Variants in CAMTA1 observed in about 807,000 individuals in gnomAD.
CAMTA1 encodes calmodulin-binding transcription activator 1.
In CAMTA1, 27 loss-of-function variants were observed where a neutral mutation model predicts 170.9. The observed-to-expected ratio is 0.16, with a 90% CI of 0.12 to 0.22. The LOEUF (loss-of-function observed/expected upper bound fraction) is 0.22, where lower values mean the gene tolerates loss of function less well. Among genes scored for constraint, CAMTA1 ranks in the 10% least tolerant of loss-of-function variants. CAMTA1 has a pLI of 1.00. For synonymous variants in CAMTA1, 833 were observed against 891.5 expected (o/e 0.93, Z 1.17); for missense variants, 1,619 against 2,217.2 (o/e 0.73, Z 5.42).
At chr1:7,022,371 G>C (rs1701481346) in intron 3 of CAMTA1, among the ~76,000 whole-genome samples, 1 of 152,130 alleles carries the variant, frequency 6.6e-6, no homozygotes, top group Non-Finnish European at 1.5e-5. Flanking sequence ...CTCTGCCGTG[G>C]GTATTGGGTG....
chr1:7,738,530 T>G lies in CAMTA1; in HGVS notation c.4182+48T>G. On this transcript the variant is annotated intron_variant, in intron 16 of 22. Transcript: ENST00000303635. This position sits in a 1 kb window ranked among gnomAD's most constrained non-coding sequence, Gnocchi z 4.9. ...GCCCGCAGAGGCTGGTGCGTTCCAG[T>G]TGCTGTGATCTTTATGGTCCATTTC... 6.4e-7 allele frequency: 1 copy of G among 1,571,924 alleles called. No homozygotes were observed. Among genetic ancestry groups the G allele is most frequent in the Non-Finnish European group, 8.6e-7 (1 of 1,156,278 alleles).
chr1:7,708,616 C>CTTGCTTAATTTTATAT (rs1558185193), intron 11 of CAMTA1, among the ~76,000 whole-genome samples: 2 of 152,158 alleles, frequency 1.3e-5, no homozygotes, highest in Non-Finnish European at 2.9e-5. Flanking sequence ...ATCGTGATCC[C>CTTGCTTAATTTTATAT]TGTAATTTGC....
intron 4 of CAMTA1, among the ~76,000 whole-genome samples, chr1:7,098,138 C>T (rs144908610): frequency 5.1e-4 from 77 of 151,964 alleles, no homozygotes; most frequent in African/African-American, 1.7e-3. Context: ...CGCGTGCGTG[C>T]GCATGCGTGT....
chr1:7,346,588 C>T (rs908977618), intron 5 of CAMTA1, among the ~76,000 whole-genome samples: 2 of 152,220 alleles, frequency 1.3e-5, no homozygotes, highest in Non-Finnish European at 2.9e-5. Flanking sequence ...TCATTGAGTC[C>T]TGTTTTGAAA....
chr1:7,481,624 G>A (rs1006145443), intron 6 of CAMTA1, among the ~76,000 whole-genome samples: 6 of 152,036 alleles, frequency 3.9e-5, no homozygotes, highest in African/African-American at 1.2e-4. Context: ...ACACACACCC[G>A]TACAGCTGCC....
intron 3 of CAMTA1, among the ~76,000 whole-genome samples, chr1:6,913,674 C>T (rs1263222883): frequency 2.0e-5 from 3 of 151,988 alleles, no homozygotes; most frequent in Non-Finnish European, 4.4e-5. Context: ...CTGTGCTGTG[C>T]CAGGCCCTGT....
At chr1:7,468,009 G>C in intron 6 of CAMTA1, 108 bp downstream of exon 6, 1 of 867,950 alleles carries the variant, frequency 1.2e-6, no homozygotes, top group Non-Finnish European at 1.9e-6. Flanking sequence ...CGGGCTGAGA[G>C]CCCTGGTGAG....
intron 3 of CAMTA1, among the ~76,000 whole-genome samples, chr1:6,978,826 A>G (rs1200602571): frequency 1.3e-5 from 2 of 152,124 alleles, no homozygotes; most frequent in African/African-American, 4.8e-5. Flanking sequence ...CTCAACAAAC[A>G]TTAATTGCTC....
In CAMTA1 at chr1:7,427,932, C is replaced by T. The variant is rs552444094; in HGVS notation, c.439-39898C>T. On this transcript the variant is annotated intron_variant, in intron 5 of 22. Coordinates refer to ENST00000303635, the MANE Select transcript of CAMTA1 (RefSeq NM_015215.4). ...CATCCTTTCCTTTCTAGGGTACCCT[C>T]TTTGGGGATTACAGAAATGAGCTCC... Among the ~76,000 whole-genome samples the T allele has an allele frequency of 3.3e-4, 51 of 152,264 alleles. No individual in the cohort carries two copies. In the South Asian group the frequency reaches 1.0e-2, roughly 30 times the overall value.
At position 7,215,648 on chromosome 1, in the gene CAMTA1, C is replaced by T. The variant is rs1659623802; in HGVS notation, c.303-33843C>T. Among the ~76,000 whole-genome samples the T allele has an allele frequency of 3.3e-5, 5 of 152,340 alleles. No homozygotes were observed. The South Asian group carries it at 1.0e-3, about 32-fold the overall frequency. ...ACTTCAGGTGATCCTCCCACCTTGG[C>T]CCCCCAAAGTGCTGGGATTACAGGT... On this transcript the variant is annotated intron_variant, in intron 4 of 22. Transcript: ENST00000303635.
intron 3 of CAMTA1, among the ~76,000 whole-genome samples, chr1:6,876,432 A>G (rs546179913): frequency 1.3e-5 from 2 of 151,672 alleles, no homozygotes; most frequent in South Asian, 4.2e-4. Flanking sequence ...TGTGATCTTA[A>G]CTCACTGCAA....
intron 4 of CAMTA1, among the ~76,000 whole-genome samples, chr1:7,103,501 G>T (rs1301261395): frequency 7.7e-6 from 1 of 130,584 alleles, no homozygotes; most frequent in Non-Finnish European, 1.6e-5. Context: ...ACACAACACA[G>T]ATACACACTA....
intron 5 of CAMTA1, among the ~76,000 whole-genome samples, chr1:7,398,154 G>GGTCTCTCT: frequency 3.8e-5 from 1 of 26,264 alleles, no homozygotes; most frequent in Non-Finnish European, 8.0e-5. Flanking sequence ...TAATAATATT[G>GGTCTCTCT]CTCTCTCTCT....
At chr1:7,557,711 G>T (rs1075368) in intron 6 of CAMTA1, among the ~76,000 whole-genome samples, 1 of 151,994 alleles carries the variant, frequency 6.6e-6, no homozygotes, top group Non-Finnish European at 1.5e-5. Context: ...CGTGTGCCAG[G>T]CTCTGGCCCA....
chr1:7,209,233 A>G (rs913054632), intron 4 of CAMTA1, among the ~76,000 whole-genome samples: 1 of 152,218 alleles, frequency 6.6e-6, no homozygotes, highest in Non-Finnish European at 1.5e-5. Flanking sequence ...CGCTGGTGTG[A>G]GAAGGATGTC....
At chr1:7,039,253 C>T (rs1027026710) in intron 3 of CAMTA1, among the ~76,000 whole-genome samples, 1 of 152,042 alleles carries the variant, frequency 6.6e-6, no homozygotes, top group Non-Finnish European at 1.5e-5. Flanking sequence ...TTTTCTTCCT[C>T]CTCCTCCTCC....
intron 5 of CAMTA1, among the ~76,000 whole-genome samples, chr1:7,324,220 T>TTCA (rs1418086769): frequency 6.6e-6 from 1 of 152,236 alleles, no homozygotes; most frequent in Non-Finnish European, 1.5e-5. Flanking sequence ...TCTTGAATAT[T>TTCA]TCATCAATAT....
At position 7,249,694 on chromosome 1, in the gene CAMTA1, G is replaced by A. The variant is rs1212574932; in HGVS notation, c.438+68G>A. ...GCAGGCTGCAGTGGAGAATGGAATT[G>A]CTTGGAGTAATTTGATGCGAGTCAC... On this transcript the variant is annotated intron_variant, in intron 5 of 22. Transcript: ENST00000303635. The surrounding 1 kb of genome is among the most constrained non-coding windows in gnomAD (Gnocchi z 4.4). The A allele has an allele frequency of 1.5e-5, 23 of 1,553,498 alleles. No individual in the cohort carries two copies. Among genetic ancestry groups the A allele is most frequent in the Non-Finnish European group, 2.0e-5 (23 of 1,142,606 alleles).
chr1:6,946,758 A>T (rs1687639078), intron 3 of CAMTA1, among the ~76,000 whole-genome samples: 2 of 151,886 alleles, frequency 1.3e-5, no homozygotes, highest in Non-Finnish European at 2.9e-5. Flanking sequence ...GTCCTGTTCT[A>T]TGGGTTGTCT....
Sources: allele counts gnomAD v4.1 joint callset (sites outside exome capture counted in the v4.1 genomes callset), GRCh38; gene constraint gnomAD v4.1.1; non-coding constraint Gnocchi (gnomAD v3.1); transcripts MANE v1.5; gene names NCBI Gene and HGNC (gene_info 2026-07-23, HGNC 2026-07-21).